Variants in TSGA10 observed in about 807,000 individuals in gnomAD.
TSGA10 encodes the protein testis-specific gene 10 protein.
In TSGA10, 43 loss-of-function variants were observed where a neutral mutation model predicts 96.6. The observed-to-expected ratio is 0.44, with a 90% CI of 0.35 to 0.57. The LOEUF (loss-of-function observed/expected upper bound fraction) is 0.57, where lower values mean the gene tolerates loss of function less well. TSGA10 is among the 20% of genes least tolerant of loss of function. The pLI is 0.01. For synonymous variants in TSGA10, 229 were observed against 269.9 expected, an observed-to-expected ratio of 0.85 and a Z score of 1.48; for missense variants, 703 against 834.4, an observed-to-expected ratio of 0.84 and a Z score of 1.94.
intron 12 of TSGA10, among the ~76,000 whole-genome samples, chr2:99,075,096 G>C: frequency 6.6e-6 from 1 of 151,906 alleles, no homozygotes; most frequent in East Asian, 1.9e-4. Context: ...CAAAATTTCT[G>C]GGTTGAATCC....
intron 16 of TSGA10, among the ~76,000 whole-genome samples, chr2:99,056,460 G>A (rs2084002652): frequency 1.3e-5 from 2 of 152,086 alleles, no homozygotes; most frequent in African/African-American, 4.8e-5. Context: ...TATCTTGGAT[G>A]AAATGAACAA....
chr2:99,125,458 T>C (rs1312695355), intron 2 of TSGA10: 1 of 152,266 alleles, frequency 6.6e-6, no homozygotes, highest in Non-Finnish European at 1.5e-5. Context: ...TCCAGCATGT[T>C]CATAATTGCT....
At position 99,133,014 on chromosome 2, in the gene TSGA10, C is replaced by T. The variant is rs191134190; in HGVS notation, c.-620-5838G>A. 1.9e-4 allele frequency among the ~76,000 whole-genome samples: 29 copies of T among 152,150 alleles called. No individual in the cohort carries two copies. In the East Asian group the frequency reaches 4.4e-3, roughly 23 times the overall value. ...TGGGGAGTGTTTTACTTCAATTATG[C>T]GGTCAATTTTAGAATAAGTGTGATG... On this transcript the variant is annotated intron_variant, in intron 1 of 20. Coordinates refer to ENST00000393483, the MANE Select transcript of TSGA10 (RefSeq NM_025244.4).
rs1357944669 is a variant in TSGA10 at position 99,005,476 on chromosome 2, C to A, written c.2073-7255G>T. Reference sequence around the variant, plus strand: ...ATACAAAATCAATGTGCAAAAATCACAAGCATTCTTATACACCAATAACAG... The same window carrying A: ...ATACAAAATCAATGTGCAAAAATCAAAAGCATTCTTATACACCAATAACAG... On this transcript the variant is annotated intron_variant, in intron 20 of 20. Coordinates refer to ENST00000393483, the MANE Select transcript of TSGA10 (RefSeq NM_025244.4). 4.6e-5 allele frequency among the ~76,000 whole-genome samples: 7 copies of A among 152,284 alleles called. No homozygotes were observed. In the East Asian group the frequency reaches 1.4e-3, roughly 29 times the overall value.
chr2:99,063,812 T>A lies in TSGA10; in HGVS notation c.1404+1127A>T, dbSNP rs557769357. Among the ~76,000 whole-genome samples, 41 of 151,670 alleles carry A rather than the reference T, an allele frequency of 2.7e-4. No homozygotes were observed. The South Asian group carries it at 4.0e-3, about 15-fold the overall frequency. Reference sequence around the variant, plus strand: ...AGAGCGAGACTCCATCTCAAAAAAATATATATATATGAAAAAGATAAGCTA... The same window carrying A: ...AGAGCGAGACTCCATCTCAAAAAAAAATATATATATGAAAAAGATAAGCTA... On this transcript the variant is annotated intron_variant, in intron 16 of 20. Transcript: ENST00000393483.
chr2:99,107,399 A>G (rs894549653), intron 7 of TSGA10, among the ~76,000 whole-genome samples: 1 of 152,240 alleles, frequency 6.6e-6, no homozygotes, highest in African/African-American at 2.4e-5. Context: ...AAAATTTGCC[A>G]TAAGGTTAAA....
At chr2:99,105,294 G>T in intron 9 of TSGA10, 65 bp downstream of exon 9, 1 of 1,347,766 alleles carries the variant, frequency 7.4e-7, no homozygotes, top group Non-Finnish European at 1.0e-6. Context: ...TACAGAAAAA[G>T]GAGAAAGGGG....
intron 1 of TSGA10, chr2:99,150,686 A>C: frequency 6.2e-7 from 1 of 1,614,100 alleles, no homozygotes; most frequent in Non-Finnish European, 8.5e-7. Context: ...TTATTTCAAA[A>C]CACCAAGAAA....
chr2:99,070,976 T>G (rs560133023), intron 14 of TSGA10, among the ~76,000 whole-genome samples: 1 of 152,282 alleles, frequency 6.6e-6, no homozygotes, highest in African/African-American at 2.4e-5. Flanking sequence ...ATTCATTTAC[T>G]TTTAAACAAA....
At chr2:98,998,629 T>C (rs1252054941) in intron 20 of TSGA10, among the ~76,000 whole-genome samples, 1 of 152,208 alleles carries the variant, frequency 6.6e-6, no homozygotes, top group Non-Finnish European at 1.5e-5. Context: ...GTGAATTCTT[T>C]GGTGCTGATG....
rs543918086 is a variant in TSGA10, at chr2:99,151,685, C to T, written c.-621+3008G>A. On this transcript the variant is annotated intron_variant, in intron 1 of 20. Transcript: ENST00000393483. ...TTCAGAAGGATTTCACATTTTAAAT[C>T]GTGCCTTTAAAACTGCTTTTTCCCC... 5.3e-5 allele frequency among the ~76,000 whole-genome samples: 8 copies of T among 152,190 alleles called. No homozygotes were observed. The South Asian group carries it at 1.5e-3, about 28-fold the overall frequency.
chr2:99,077,681 C>A (rs923860852), intron 12 of TSGA10, among the ~76,000 whole-genome samples: 2 of 152,058 alleles, frequency 1.3e-5, no homozygotes, highest in Admixed American at 1.3e-4. Flanking sequence ...CCTGACTCAG[C>A]CTCCTGAGGA....
At chr2:99,019,231 T>C (rs1021001571) in intron 18 of TSGA10, among the ~76,000 whole-genome samples, 1 of 152,208 alleles carries the variant, frequency 6.6e-6, no homozygotes, top group South Asian at 2.1e-4. Context: ...GCTTTCAGGA[T>C]AGTATCATAG....
At chr2:99,150,653 G>A (rs755092558) in intron 1 of TSGA10, 2 of 1,614,066 alleles carry the variant, frequency 1.2e-6, no homozygotes, top group South Asian at 2.2e-5. Flanking sequence ...ACTGAAAAAA[G>A]CAGGTTGGAA....
intron 10 of TSGA10, chr2:99,102,634 T>G: frequency 1.2e-6 from 2 of 1,614,148 alleles, no homozygotes; most frequent in South Asian, 2.2e-5. Context: ...AGGCCTGAAC[T>G]GCTTGAGTCA....
At chr2:99,038,788 A>G (rs2105109899) in intron 16 of TSGA10, among the ~76,000 whole-genome samples, 1 of 152,310 alleles carries the variant, frequency 6.6e-6, no homozygotes. Context: ...GAACAAATGC[A>G]CTTCACAGAT....
At chr2:99,037,352 A>C (rs1355031356) in intron 16 of TSGA10, among the ~76,000 whole-genome samples, 2 of 152,230 alleles carry the variant, frequency 1.3e-5, no homozygotes, top group African/African-American at 2.4e-5. Flanking sequence ...ATAGTTGGAA[A>C]ATCCCAAAAT....
chr2:99,072,348 A>T (rs1183050194), intron 13 of TSGA10, among the ~76,000 whole-genome samples: 2 of 152,348 alleles, frequency 1.3e-5, no homozygotes, highest in East Asian at 3.9e-4. Flanking sequence ...CTCCAGTTTT[A>T]GACCCTCTGT....
intron 16 of TSGA10, among the ~76,000 whole-genome samples, chr2:99,063,516 A>G (rs1450677819): frequency 6.6e-6 from 1 of 152,152 alleles, no homozygotes; most frequent in Non-Finnish European, 1.5e-5. Flanking sequence ...TTAAAAATCA[A>G]TATGAAGGCA....
Sources: allele counts gnomAD v4.1 joint callset (sites outside exome capture counted in the v4.1 genomes callset), GRCh38; gene constraint gnomAD v4.1.1; transcripts MANE v1.5; gene names NCBI Gene and HGNC (gene_info 2026-07-23, HGNC 2026-07-21).